The following GAB1 variants were observed in gnomAD, a reference collection of about 807,000 sequenced individuals.
GAB1 encodes the protein GRB2 associated binding protein 1, also known as GRB2-associated-binding protein 1.
A neutral mutation model predicts 66.5 loss-of-function variants in GAB1; 19 were observed. The observed-to-expected ratio is 0.29, with a 90% CI of 0.20 to 0.42. GAB1 has a LOEUF of 0.42. Ranked by LOEUF, GAB1 falls within the 10% of genes least tolerant of loss-of-function variation. The pLI, the probability that GAB1 is intolerant of heterozygous loss-of-function variation, is 1.00. For synonymous variants in GAB1, 294 were observed against 301.4 expected (o/e 0.98, Z 0.25); for missense variants, 732 against 858.5 (o/e 0.85, Z 1.84).
At chr4:143,398,622 TG>T (rs947716383) in intron 1 of GAB1, among the ~76,000 whole-genome samples, 31 of 152,248 alleles carry the variant, frequency 2.0e-4, no homozygotes, top group African/African-American at 7.5e-4. Context: ...CCTGGCCGGC[TG>T]TCTTGAAAAT....
chr4:143,348,962 C>T (rs1257153775), intron 1 of GAB1, among the ~76,000 whole-genome samples: 3 of 152,216 alleles, frequency 2.0e-5, no homozygotes, highest in Non-Finnish European at 2.9e-5. Context: ...CTTCTCTGAA[C>T]TCCACCACCA....
chr4:143,351,348 G>T (rs1486139883), intron 1 of GAB1, among the ~76,000 whole-genome samples: 2 of 152,134 alleles, frequency 1.3e-5, no homozygotes, highest in Non-Finnish European at 2.9e-5. Context: ...CCACTCAGCC[G>T]CCTGACTCTT....
At chr4:143,468,278 G>T (rs549703330) in intron 9 of GAB1, among the ~76,000 whole-genome samples, 1 of 134,134 alleles carries the variant, frequency 7.5e-6, no homozygotes, top group Admixed American at 8.6e-5. Flanking sequence ...GCAGTGGCAC[G>T]ATCTTGGCTC....
At chr4:143,414,940 C>T (rs1732599213) in intron 1 of GAB1, among the ~76,000 whole-genome samples, 2 of 152,154 alleles carry the variant, frequency 1.3e-5, no homozygotes, top group South Asian at 4.1e-4. Flanking sequence ...AACTCAAACT[C>T]TAGGCCCATT....
chr4:143,429,020 C>T (rs976437382), intron 2 of GAB1, among the ~76,000 whole-genome samples: 1 of 152,090 alleles, frequency 6.6e-6, no homozygotes, highest in African/African-American at 2.4e-5. Flanking sequence ...TAAAAAAAAT[C>T]ATGATAGGAT....
chr4:143,387,667 C>T (rs1172961087), intron 1 of GAB1, among the ~76,000 whole-genome samples: 1 of 152,186 alleles, frequency 6.6e-6, no homozygotes, highest in African/African-American at 2.4e-5. Context: ...TCTTTCCTCC[C>T]ATTGACTTCT....
chr4:143,414,119 A>AG (rs1318611983), intron 1 of GAB1, among the ~76,000 whole-genome samples: 4 of 152,086 alleles, frequency 2.6e-5, no homozygotes, highest in African/African-American at 9.7e-5. Context: ...CACTGCACCC[A>AG]GGCCCAGAGT....
chr4:143,405,404 A>G (rs187539278), intron 1 of GAB1, among the ~76,000 whole-genome samples: 2 of 152,292 alleles, frequency 1.3e-5, no homozygotes, highest in Admixed American at 6.5e-5. Flanking sequence ...TTATTCCCTG[A>G]TTAAGTTAGT....
At chr4:143,396,329 G>A (rs1005407076) in intron 1 of GAB1, among the ~76,000 whole-genome samples, 1 of 152,150 alleles carries the variant, frequency 6.6e-6, no homozygotes, top group Non-Finnish European at 1.5e-5. Flanking sequence ...AGTTAAGCTG[G>A]TTACAGAACA....
intron 1 of GAB1, among the ~76,000 whole-genome samples, chr4:143,404,354 G>C (rs1731933355): frequency 6.6e-6 from 1 of 152,112 alleles, no homozygotes; most frequent in South Asian, 2.1e-4. Context: ...ACATTTTTAG[G>C]GTAGAGTAAG....
intron 1 of GAB1, among the ~76,000 whole-genome samples, chr4:143,414,015 G>A (rs1244016249): frequency 6.6e-6 from 1 of 151,608 alleles, no homozygotes; most frequent in Non-Finnish European, 1.5e-5. Flanking sequence ...TAGAGACGGG[G>A]TTTCACCATG....
intron 1 of GAB1, among the ~76,000 whole-genome samples, chr4:143,379,662 C>T (rs1052407575): frequency 6.6e-6 from 1 of 152,136 alleles, no homozygotes; most frequent in African/African-American, 2.4e-5. Flanking sequence ...TCTCCACTCA[C>T]TGCAGCCTCG....
At chr4:143,443,959 T>A (rs1734374528) in intron 6 of GAB1, among the ~76,000 whole-genome samples, 1 of 152,234 alleles carries the variant, frequency 6.6e-6, no homozygotes, top group African/African-American at 2.4e-5. Flanking sequence ...GATATTTTCA[T>A]CATACTATTT....
intron 6 of GAB1, among the ~76,000 whole-genome samples, chr4:143,444,164 G>T (rs1330130820): frequency 2.0e-5 from 3 of 152,084 alleles, no homozygotes; most frequent in African/African-American, 7.2e-5. Flanking sequence ...AAATTTATCT[G>T]TTATAGCTTC....
At chr4:143,359,336 A>G (rs1729569746) in intron 1 of GAB1, among the ~76,000 whole-genome samples, 1 of 152,190 alleles carries the variant, frequency 6.6e-6, no homozygotes, top group South Asian at 2.1e-4. Context: ...ATTTCCATTA[A>G]TGAGTTTTGT....
chr4:143,354,507 T>G (rs1357967538), intron 1 of GAB1, among the ~76,000 whole-genome samples: 1 of 151,914 alleles, frequency 6.6e-6, no homozygotes, highest in Non-Finnish European at 1.5e-5. Flanking sequence ...ATTTTGAGTT[T>G]AAAGTATAGA....
At chr4:143,451,453 AT>A (rs1204073644) in intron 6 of GAB1, among the ~76,000 whole-genome samples, 2 of 152,154 alleles carry the variant, frequency 1.3e-5, no homozygotes, top group Non-Finnish European at 2.9e-5. Flanking sequence ...TGAGTGTACC[AT>A]TAAAGAATTT....
At position 143,422,690 on chromosome 4, in the gene GAB1, A is replaced by C. The variant is rs917058865; in HGVS notation, c.367+6919A>C. ...TAAACTGTGCATTAGGCTAGGGGTC[A>C]TGTGGGCCAGTTTATTATTTGTGGA... On this transcript the variant is annotated intron_variant, in intron 2 of 9. Transcript: ENST00000262994. Among the ~76,000 whole-genome samples, 12 of 152,344 alleles carry C rather than the reference A, an allele frequency of 7.9e-5. No homozygotes were observed. The East Asian group carries it at 1.4e-3, about 17-fold the overall frequency.
At chr4:143,344,307 C>T (rs981099482) in intron 1 of GAB1, among the ~76,000 whole-genome samples, 1 of 152,128 alleles carries the variant, frequency 6.6e-6, no homozygotes, top group Non-Finnish European at 1.5e-5. Context: ...CATGAAACCC[C>T]CTCTCCCTGT....
Sources: allele counts gnomAD v4.1 joint callset (sites outside exome capture counted in the v4.1 genomes callset), GRCh38; gene constraint gnomAD v4.1.1; transcripts MANE v1.5; gene names NCBI Gene and HGNC (gene_info 2026-07-23, HGNC 2026-07-21).